Variants in DPP6 observed in about 807,000 individuals in gnomAD.
The protein encoded by DPP6 is A-type potassium channel modulatory protein DPP6.
Under a neutral mutation model 122.6 loss-of-function variants are expected in DPP6, and 69 were observed. That is an observed-to-expected ratio of 0.56 (90% CI 0.46 to 0.69). The LOEUF is 0.69. Ranked by LOEUF, DPP6 falls within the 30% of genes least tolerant of loss-of-function variation. The pLI is 0.00. For synonymous variants in DPP6, 418 were observed against 433.1 expected, an observed-to-expected ratio of 0.97 and a Z score of 0.43; for missense variants, 928 against 1,116.9, an observed-to-expected ratio of 0.83 and a Z score of 2.41.
At chr7:153,819,049 CTTT>C in the DPP6 span, among the ~76,000 whole-genome samples, 24 of 90,686 alleles carry the variant, frequency 2.6e-4, no homozygotes, top group East Asian at 9.2e-4. Flanking sequence ...CGCGCCTGGC[CTTT>C]TTTTTTTTTT....
At chr7:154,569,731 TAA>T (rs60394462) in intron 5 of DPP6, among the ~76,000 whole-genome samples, 66 of 142,088 alleles carry the variant, frequency 4.6e-4, no homozygotes, top group African/African-American at 6.5e-4. Flanking sequence ...ACCACTGCAC[TAA>T]AAAAAAAAAA....
Position 154,088,572 on chromosome 7 carries a change from A to G in DPP6, c.243+35509A>G, listed in dbSNP as rs576135058. On this transcript the variant is annotated intron_variant, in intron 1 of 25. Transcript: ENST00000377770. Reference sequence around the variant, plus strand: ...AGTTCCTGCCTGGGGAAGTCAAGTAAAAATGGGAGGTATGGGACTTGATAG... The same window carrying G: ...AGTTCCTGCCTGGGGAAGTCAAGTAGAAATGGGAGGTATGGGACTTGATAG... Among the ~76,000 whole-genome samples, 1,376 of 148,232 alleles carry G rather than the reference A, an allele frequency of 9.3e-3. 26 individuals carry two copies. The highest frequency in any genetic ancestry group is 0.032 in the African/African-American group (1,270 of 39,416).
intron 7 of DPP6, among the ~76,000 whole-genome samples, chr7:154,725,322 C>A (rs1842013005): frequency 1.3e-5 from 2 of 152,138 alleles, no homozygotes; most frequent in South Asian, 4.1e-4. Context: ...AAAGAACTAC[C>A]CAAGACTGGA....
intron 6 of DPP6, among the ~76,000 whole-genome samples, chr7:154,640,703 T>C (rs971107970): frequency 6.6e-6 from 1 of 152,146 alleles, no homozygotes; most frequent in Non-Finnish European, 1.5e-5. Context: ...AGCCCGGAGC[T>C]CTAAGTCTGA....
chr7:154,288,232 A>C (rs1804979310), intron 1 of DPP6, among the ~76,000 whole-genome samples: 1 of 152,148 alleles, frequency 6.6e-6, no homozygotes, highest in African/African-American at 2.4e-5. Context: ...TGCTGTGTGA[A>C]CTTTCTGCCC....
chr7:154,873,898 CCACACACATAGGCACA>C (rs1380810000), intron 19 of DPP6, among the ~76,000 whole-genome samples: 1 of 145,838 alleles, frequency 6.9e-6, no homozygotes, highest in Non-Finnish European at 1.5e-5. Context: ...ACACACGCAC[CCACACACATAGGCACA>C]CACACATGCA....
intron 7 of DPP6, among the ~76,000 whole-genome samples, chr7:154,670,274 A>G (rs1838475810): frequency 6.6e-6 from 1 of 152,176 alleles, no homozygotes; most frequent in Non-Finnish European, 1.5e-5. Flanking sequence ...TCTATCAGCT[A>G]TCTTCATGGA....
At chr7:154,421,613 T>C (rs1198409158) in intron 1 of DPP6, among the ~76,000 whole-genome samples, 1 of 152,086 alleles carries the variant, frequency 6.6e-6, no homozygotes, top group Non-Finnish European at 1.5e-5. Flanking sequence ...CATGAGCCAC[T>C]GCGCCTGGCC....
intron 1 of DPP6, among the ~76,000 whole-genome samples, chr7:154,067,827 C>T (rs1802837331): frequency 6.6e-6 from 1 of 151,870 alleles, no homozygotes; most frequent in Non-Finnish European, 1.5e-5. Context: ...TCACTGCAAC[C>T]TCGAACTCCT....
At chr7:154,120,883 G>A (rs1475040176) in intron 1 of DPP6, among the ~76,000 whole-genome samples, 1 of 152,108 alleles carries the variant, frequency 6.6e-6, no homozygotes, top group Non-Finnish European at 1.5e-5. Context: ...GGTGAATGAA[G>A]TGGTTTGGCT....
chr7:153,848,138 G>A, the DPP6 span, among the ~76,000 whole-genome samples: 2 of 152,226 alleles, frequency 1.3e-5, no homozygotes, highest in Middle Eastern at 3.4e-3. Context: ...GAGTCACAGC[G>A]GCTGAGGCCC....
rs559780663 is a variant in DPP6, at chr7:154,528,108, G to A, written c.458-12424G>A. Among the ~76,000 whole-genome samples the A allele has an allele frequency of 3.3e-5, 5 of 152,180 alleles. No homozygotes were observed. The South Asian group carries it at 8.3e-4, about 25-fold the overall frequency. Reference sequence around the variant, plus strand: ...ATAGGTACACAGGAAAATGAGATGAGTGGCATATTTTAAATGCAAAGCACT... The same window carrying A: ...ATAGGTACACAGGAAAATGAGATGAATGGCATATTTTAAATGCAAAGCACT... On this transcript the variant is annotated intron_variant, in intron 3 of 25. Coordinates refer to ENST00000377770, the MANE Select transcript of DPP6 (RefSeq NM_130797.4).
At chr7:154,769,377 C>T (rs184159974) in intron 8 of DPP6, 40 bp from the exon 9 acceptor site, 331 of 1,610,622 alleles carry the variant, frequency 2.1e-4, no homozygotes, top group Non-Finnish European at 2.6e-4. Context: ...TTTCCACTCA[C>T]TTGTTACTAT....
chr7:153,918,566 GTCTCTCTCTCTCTCTCTC>G (rs59605527), intron 1 of DPP6, among the ~76,000 whole-genome samples: 5,825 of 103,964 alleles, frequency 0.056, 148 homozygotes, highest in Middle Eastern at 0.089. Context: ...CACACACACA[GTCTCTCTCTCTCTCTCTC>G]TCTCTCTCTC....
chr7:154,319,186 G>T (rs1807703662), intron 1 of DPP6, among the ~76,000 whole-genome samples: 3 of 152,184 alleles, frequency 2.0e-5, no homozygotes, highest in Admixed American at 2.0e-4. Flanking sequence ...TATACCTAAT[G>T]ATTATCTATT....
intron 3 of DPP6, among the ~76,000 whole-genome samples, chr7:154,517,873 A>G (rs1563792845): frequency 6.6e-6 from 1 of 152,140 alleles, no homozygotes; most frequent in Non-Finnish European, 1.5e-5. Context: ...TGCAAGTTAC[A>G]ATTTTCAACA....
chr7:154,750,753 G>A (rs990730754), intron 8 of DPP6, among the ~76,000 whole-genome samples: 53 of 152,224 alleles, frequency 3.5e-4, no homozygotes, highest in African/African-American at 1.2e-3. Context: ...GAGCAAGCGT[G>A]GTCCCAGAGG....
chr7:154,795,713 A>G (rs1798002155), intron 11 of DPP6, 132 bp from the exon 12 acceptor site: 10 of 1,318,236 alleles, frequency 7.6e-6, no homozygotes, highest in Non-Finnish European at 9.3e-6. Flanking sequence ...CAGCTGTGCA[A>G]TGCTTGTGCA....
chr7:153,888,698 G>A (rs940030013), intron 1 of DPP6, among the ~76,000 whole-genome samples: 17 of 143,074 alleles, frequency 1.2e-4, no homozygotes, highest in Non-Finnish European at 1.6e-4. Flanking sequence ...TAAGTTGCTG[G>A]CTGGCACTTT....
Sources: gnomAD v4.1 joint callset for allele counts (sites outside exome capture counted in the v4.1 genomes callset) on GRCh38, gnomAD v4.1.1 for gene constraint, MANE v1.5 for transcripts, NCBI Gene and HGNC (gene_info 2026-07-23, HGNC 2026-07-21) for gene names.